The following ROR1 variants were observed in gnomAD, a reference collection of about 807,000 sequenced individuals.
ROR1 encodes the protein ROR family WNT receptor 1, also known as inactive tyrosine-protein kinase transmembrane receptor ROR1.
In ROR1, 19 loss-of-function variants were observed where a neutral mutation model predicts 78.8. The observed-to-expected ratio is 0.24, with a 90% confidence interval of 0.17 to 0.35. The LOEUF is 0.35. ROR1 is among the 10% of genes least tolerant of loss of function. ROR1 has a pLI of 1.00. For synonymous variants in ROR1, 386 were observed against 433.6 expected (o/e 0.89, Z 1.36); for missense variants, 917 against 1,177.8 (o/e 0.78, Z 3.24).
chr1:64,142,481 G>A lies in ROR1; in HGVS notation c.1005G>A (p.Gln335=), dbSNP rs1241576981. The stretch of plus-strand genomic sequence containing the variant: ...TGACCAAATCAGGGCGCCAGTGCCA[G>A]CCATGGAATTCCCAGTATCCCCACA... The part of the protein sequence containing the change: ...VSVTKSGRQC[Q]PWNSQYPHTH... Residue 335 remains glutamine, a synonymous_variant, in exon 7 of 9, where the codon CAG becomes CAA. Transcript: ENST00000371079. The A allele has an allele frequency of 1.3e-5, 21 of 1,614,038 alleles. No individual in the cohort carries two copies. The South Asian group carries it at 2.1e-4, about 16-fold the overall frequency.
At chr1:63,851,258 G>A (rs1270567769) in intron 1 of ROR1, among the ~76,000 whole-genome samples, 2 of 152,170 alleles carry the variant, frequency 1.3e-5, no homozygotes, top group Admixed American at 6.5e-5. Context: ...GATTACAGGC[G>A]TGAGCCACTG....
chr1:63,844,325 T>C (rs1266155224), intron 1 of ROR1, among the ~76,000 whole-genome samples: 2 of 152,334 alleles, frequency 1.3e-5, no homozygotes, highest in East Asian at 1.9e-4. Flanking sequence ...CTTCTTGCAA[T>C]GTCCTCCAAA....
At chr1:63,956,068 G>A (rs1006049261) in intron 1 of ROR1, among the ~76,000 whole-genome samples, 1 of 152,116 alleles carries the variant, frequency 6.6e-6, no homozygotes, top group South Asian at 2.1e-4. Flanking sequence ...TAGTTCTGGT[G>A]CTCCCAGCCC....
chr1:63,849,233 T>G (rs1478763531), intron 1 of ROR1, among the ~76,000 whole-genome samples: 1 of 152,240 alleles, frequency 6.6e-6, no homozygotes, highest in Non-Finnish European at 1.5e-5. Context: ...TGGTAATTGT[T>G]GTTTTCTGTT....
At chr1:64,104,303 G>A (rs534647938) in intron 4 of ROR1, among the ~76,000 whole-genome samples, 1 of 152,102 alleles carries the variant, frequency 6.6e-6, no homozygotes, top group East Asian at 1.9e-4. Flanking sequence ...ACACTCAGCT[G>A]TCCTCTTGTA....
At chr1:63,931,605 G>A (rs548782996) in intron 1 of ROR1, among the ~76,000 whole-genome samples, 8 of 152,104 alleles carry the variant, frequency 5.3e-5, no homozygotes, top group Non-Finnish European at 5.9e-5. Flanking sequence ...GAAATCTCAC[G>A]CCTTCCTGCT....
Position 63,802,524 on chromosome 1 carries a change from A to G in ROR1, c.91+28016A>G, listed in dbSNP as rs148186908. ...AGGTGGGAAAATGGAGGTTCATAGA[A>G]GTTGAATTGTGTGACTATGAATAAG... On this transcript the variant is annotated intron_variant, in intron 1 of 8. Coordinates refer to ENST00000371079, the MANE Select transcript of ROR1 (RefSeq NM_005012.4). Among the ~76,000 whole-genome samples, 88 of 152,348 alleles carry G rather than the reference A, an allele frequency of 5.8e-4. 1 individual carries two copies. Among genetic ancestry groups the G allele is most frequent in the African/African-American group, 2.0e-3 (85 of 41,570 alleles).
chr1:64,034,183 ATT>A lies in ROR1; in HGVS notation c.164-15494_164-15493del, dbSNP rs35110436. On this transcript the variant is annotated intron_variant, in intron 2 of 8. Coordinates refer to ENST00000371079, the MANE Select transcript of ROR1 (RefSeq NM_005012.4). ...ATGTTCATGCACAATTTGCTTTTTC[ATT>A]TTTTTTTTTTTTTATTATCCTGAGA... Among the ~76,000 whole-genome samples the A allele has an allele frequency of 2.8e-3, 401 of 143,980 alleles. 1 individual carries two copies. The highest frequency in any genetic ancestry group is 7.2e-3 in the Middle Eastern group (2 of 278). The allele number at this position is 143,980 out of a possible 152,430, so 94.5% of individuals were successfully genotyped here. A position where few individuals can be genotyped will look rare whatever the true frequency, so the allele number is the denominator to read the frequency against.
chr1:63,824,124 C>A (rs1047151325), intron 1 of ROR1, among the ~76,000 whole-genome samples: 1 of 152,084 alleles, frequency 6.6e-6, no homozygotes, highest in Non-Finnish European at 1.5e-5. Context: ...AGTTTTTTTT[C>A]TCCTAATGAG....
intron 1 of ROR1, among the ~76,000 whole-genome samples, chr1:63,848,896 A>G (rs753031068): frequency 6.6e-6 from 1 of 152,234 alleles, no homozygotes; most frequent in Non-Finnish European, 1.5e-5. Flanking sequence ...AAACCGAGTG[A>G]ACAGAGCAGA....
chr1:63,980,946 C>G (rs1378169711), intron 1 of ROR1, among the ~76,000 whole-genome samples: 1 of 152,230 alleles, frequency 6.6e-6, no homozygotes, highest in Non-Finnish European at 1.5e-5. Context: ...CTCCATAAAG[C>G]TGTTCTGATC....
intron 4 of ROR1, among the ~76,000 whole-genome samples, chr1:64,125,561 A>G (rs1405302836): frequency 1.3e-5 from 2 of 152,144 alleles, no homozygotes; most frequent in African/African-American, 4.8e-5. Flanking sequence ...CCCACATAAC[A>G]GCAACCTGGG....
At position 63,792,898 on chromosome 1, in the gene ROR1, A is replaced by G. The variant is rs868187540; in HGVS notation, c.91+18390A>G. Among the ~76,000 whole-genome samples the G allele has an allele frequency of 4.6e-5, 7 of 152,344 alleles. 1 individual carries two copies. The highest frequency in any genetic ancestry group is 6.8e-3 in the Middle Eastern group (2 of 294). On this transcript the variant is annotated intron_variant, in intron 1 of 8. Transcript: ENST00000371079. Reference sequence around the variant, plus strand: ...TGCTGAAAGATGAAGGGACTGTGAGATAAAGTTGGTGCCGAGGATTCTCAC... The same window carrying G: ...TGCTGAAAGATGAAGGGACTGTGAGGTAAAGTTGGTGCCGAGGATTCTCAC...
chr1:63,997,659 G>A (rs1489029198), intron 1 of ROR1, among the ~76,000 whole-genome samples: 4 of 111,686 alleles, frequency 3.6e-5, no homozygotes, highest in African/African-American at 1.2e-4. Flanking sequence ...GTAGAGGATC[G>A]GTGCTAGGCT....
intron 1 of ROR1, among the ~76,000 whole-genome samples, chr1:63,816,828 C>A (rs765957970): frequency 6.6e-6 from 1 of 152,100 alleles, no homozygotes; most frequent in African/African-American, 2.4e-5. Context: ...GTAAGGATTG[C>A]GTGTGCTCAT....
intron 1 of ROR1, among the ~76,000 whole-genome samples, chr1:63,775,777 A>G (rs1165524146): frequency 1.3e-5 from 2 of 152,224 alleles, no homozygotes; most frequent in Admixed American, 6.5e-5. Context: ...TTTGGAAGCT[A>G]GAGTAGCATT....
Position 63,827,647 on chromosome 1 carries a change from A to G in ROR1, c.91+53139A>G, listed in dbSNP as rs578004836. ...GAAACTATCTAGGTTTCTTGTTCTG[A>G]AGTATGAGAGGACAGCCTATTAAAG... On this transcript the variant is annotated intron_variant, in intron 1 of 8. Transcript: ENST00000371079. Among the ~76,000 whole-genome samples the G allele has an allele frequency of 2.7e-3, 412 of 152,280 alleles. 4 individuals carry two copies. Among genetic ancestry groups the G allele is most frequent in the Non-Finnish European group, 4.4e-3 (301 of 68,026 alleles).
intron 1 of ROR1, among the ~76,000 whole-genome samples, chr1:63,838,611 A>C (rs1645032399): frequency 6.6e-6 from 1 of 152,198 alleles, no homozygotes; most frequent in Non-Finnish European, 1.5e-5. Context: ...GAGTTAAAAA[A>C]ATAAAAAGTT....
chr1:63,943,936 A>T (rs1165848939), intron 1 of ROR1, among the ~76,000 whole-genome samples: 1 of 152,178 alleles, frequency 6.6e-6, no homozygotes, highest in East Asian at 1.9e-4. Flanking sequence ...AGGCACACAC[A>T]CATACACACA....
Sources: allele counts gnomAD v4.1 joint callset (sites outside exome capture counted in the v4.1 genomes callset), GRCh38; gene constraint gnomAD v4.1.1; transcripts MANE v1.5; gene names NCBI Gene and HGNC (gene_info 2026-07-23, HGNC 2026-07-21).